The following LOC128092252 variants were observed in gnomAD, a reference collection of about 807,000 sequenced individuals.
At chr15:50,653,179 G>A in the LOC128092252 span, among the ~76,000 whole-genome samples, 3 of 152,094 alleles carry the variant, frequency 2.0e-5, no homozygotes, top group Admixed American at 6.6e-5. Flanking sequence ...AAACGGACGT[G>A]GTGGCTCACA....
the LOC128092252 span, chr15:50,686,433 A>G: frequency 3.5e-5 from 56 of 1,597,796 alleles, no homozygotes; most frequent in African/African-American, 5.4e-4. Context: ...CCTTCGCCGC[A>G]TGGAACGCGG....
At chr15:50,664,243 G>C in the LOC128092252 span, among the ~76,000 whole-genome samples, 1 of 150,310 alleles carries the variant, frequency 6.7e-6, no homozygotes, top group Non-Finnish European at 1.5e-5. Flanking sequence ...CAGGGAGTCG[G>C]AGGTTGCAGT....
At chr15:50,683,333 T>C in the LOC128092252 span, among the ~76,000 whole-genome samples, 2 of 151,384 alleles carry the variant, frequency 1.3e-5, no homozygotes, top group African/African-American at 4.9e-5. Flanking sequence ...TGACAAAAAC[T>C]AAATGACTAC....
the LOC128092252 span, among the ~76,000 whole-genome samples, chr15:50,677,738 C>CA: frequency 0.24 from 8,884 of 37,796 alleles, 819 homozygotes; most frequent in Non-Finnish European, 0.29. Context: ...GACCCCGTAT[C>CA]AAAAAAAAAA....
chr15:50,677,568 A>T, the LOC128092252 span, among the ~76,000 whole-genome samples: 1 of 151,200 alleles, frequency 6.6e-6, no homozygotes, highest in Non-Finnish European at 1.5e-5. Flanking sequence ...GTGAAACCCC[A>T]TCCCTACTAA....
At chr15:50,678,248 AAAACAAAAAC>A in the LOC128092252 span, among the ~76,000 whole-genome samples, 2 of 126,078 alleles carry the variant, frequency 1.6e-5, no homozygotes, top group Non-Finnish European at 1.7e-5. Flanking sequence ...TCAAAAAAAA[AAAACAAAAAC>A]AAAAACAAAA....
chr15:50,672,291 C>G, the LOC128092252 span, among the ~76,000 whole-genome samples: 20,913 of 151,814 alleles, frequency 0.14, 1,454 homozygotes, highest in Middle Eastern at 0.2. Flanking sequence ...GACCTCGTGA[C>G]GTGATCCGCC....
the LOC128092252 span, among the ~76,000 whole-genome samples, chr15:50,658,005 A>ATTTT: frequency 2.9e-5 from 4 of 139,302 alleles, no homozygotes; most frequent in South Asian, 2.3e-4. Flanking sequence ...GACAGTCTCA[A>ATTTT]TTTTTTTTTT....
the LOC128092252 span, among the ~76,000 whole-genome samples, chr15:50,676,241 T>C: frequency 6.6e-6 from 1 of 151,998 alleles, no homozygotes; most frequent in African/African-American, 2.4e-5. Flanking sequence ...CTAGCAAAAA[T>C]TGGGGGAAAA....
the LOC128092252 span, among the ~76,000 whole-genome samples, chr15:50,682,173 C>CAAAAAAAAAAAAAAA: frequency 0.03 from 1,891 of 63,208 alleles, 182 homozygotes; most frequent in South Asian, 0.041. Context: ...AACTCAGTCT[C>CAAAAAAAAAAAAAAA]AAAAAAAAAA....
At chr15:50,670,179 AC>A in the LOC128092252 span, among the ~76,000 whole-genome samples, 1 of 152,170 alleles carries the variant, frequency 6.6e-6, no homozygotes, top group African/African-American at 2.4e-5. Flanking sequence ...AGAAGAGGTT[AC>A]AAAAGGTGTA....
the LOC128092252 span, among the ~76,000 whole-genome samples, chr15:50,670,587 T>C: frequency 2.6e-5 from 4 of 151,966 alleles, no homozygotes; most frequent in African/African-American, 4.8e-5. Context: ...AGTTACCCTA[T>C]ATAGTTTAAA....
chr15:50,656,184 C>G, the LOC128092252 span, among the ~76,000 whole-genome samples: 1 of 152,120 alleles, frequency 6.6e-6, no homozygotes, highest in Non-Finnish European at 1.5e-5. Context: ...AAAAGAAACT[C>G]TTTGGCATCG....
chr15:50,682,899 C>T, the LOC128092252 span, among the ~76,000 whole-genome samples: 4,546 of 143,338 alleles, frequency 0.032, 224 homozygotes, highest in African/African-American at 0.11. Flanking sequence ...CGGTACCAAA[C>T]TTTTTTTTTT....
At chr15:50,683,434 A>AT in the LOC128092252 span, among the ~76,000 whole-genome samples, 3 of 151,186 alleles carry the variant, frequency 2.0e-5, no homozygotes, top group Non-Finnish European at 4.4e-5. Flanking sequence ...CAATCTTAAC[A>AT]TTTAAAAAAA....
chr15:50,669,387 G>A, the LOC128092252 span, among the ~76,000 whole-genome samples: 1 of 151,950 alleles, frequency 6.6e-6, no homozygotes, highest in East Asian at 1.9e-4. Context: ...GTGAGCCGAG[G>A]TCATGCCAGT....
chr15:50,659,176 G>C, the LOC128092252 span, among the ~76,000 whole-genome samples: 1 of 148,716 alleles, frequency 6.7e-6, no homozygotes, highest in South Asian at 2.1e-4. Flanking sequence ...CTGGATGACA[G>C]AGCGAGACTC....
the LOC128092252 span, among the ~76,000 whole-genome samples, chr15:50,658,471 G>A: frequency 6.6e-6 from 1 of 151,858 alleles, no homozygotes; most frequent in Non-Finnish European, 1.5e-5. Flanking sequence ...TAGGGAGGCT[G>A]AGGTGGGAGG....
the LOC128092252 span, among the ~76,000 whole-genome samples, chr15:50,666,447 T>C: frequency 1.9e-4 from 27 of 144,168 alleles, no homozygotes; most frequent in East Asian, 2.1e-3. Flanking sequence ...GAGAAGAAGG[T>C]AGAAGGGAGA....
Sources: gnomAD v4.1 joint callset for allele counts (sites outside exome capture counted in the v4.1 genomes callset) on GRCh38, gnomAD v4.1.1 for gene constraint, MANE v1.5 for transcripts.